Variants in NEBL observed in about 807,000 individuals in gnomAD.
NEBL encodes LIM and SH3 protein 2.
A neutral mutation model predicts 140.2 loss-of-function variants in NEBL; 122 were observed. The observed-to-expected ratio is 0.87, with a 90% CI of 0.75 to 1.01. The LOEUF (loss-of-function observed/expected upper bound fraction) is 1.01, where lower values mean the gene tolerates loss of function less well. Among genes scored for constraint, NEBL ranks in the 50% least tolerant of loss-of-function variants. The pLI, the probability that NEBL is intolerant of heterozygous loss-of-function variation, is 0.00. For missense variants in NEBL, 1,365 were observed against 1,231.3 expected, an observed-to-expected ratio of 1.11 and a Z score of -1.62; for synonymous variants, 436 against 398.9, an observed-to-expected ratio of 1.09 and a Z score of -1.11.
chr10:20,899,389 T>C, upstream of NEBL: 1 of 1,303,570 alleles, frequency 7.7e-7, no homozygotes, highest in Non-Finnish European at 1.0e-6. Context: ...TTCATCAGGC[T>C]TGCAGTGCAG....
At position 21,029,076 on chromosome 10, in the gene NEBL, G is replaced by C. The variant is rs1332386221; in HGVS notation, c.165-8875C>G. On this transcript the variant is annotated intron_variant, in intron 2 of 6. Transcript: ENST00000417816. Reference sequence around the variant, plus strand: ...CAGACTTTCTAGCTGAGGACTGGGGGACTGGTGGAGGAAGCACCTATGTTT... The same window carrying C: ...CAGACTTTCTAGCTGAGGACTGGGGCACTGGTGGAGGAAGCACCTATGTTT... 4.5e-6 allele frequency: 5 copies of C among 1,104,108 alleles called. No homozygotes were observed. The Admixed American group carries it at 8.5e-5, about 19-fold the overall frequency. 68.4% of individuals were successfully genotyped at this position (1,104,108 alleles called of 1,614,324 possible). A position where few individuals can be genotyped will look rare whatever the true frequency, so the allele number is the denominator to read the frequency against.
At chr10:21,270,848 G>A (rs1288119993) in intron 1 of NEBL, among the ~76,000 whole-genome samples, 1 of 152,122 alleles carries the variant, frequency 6.6e-6, no homozygotes, top group African/African-American at 2.4e-5. Flanking sequence ...GTACATTAAA[G>A]AGAACAGAAT....
intron 3 of NEBL, among the ~76,000 whole-genome samples, chr10:21,215,108 C>A (rs1358126053): frequency 6.6e-6 from 1 of 152,142 alleles, no homozygotes; most frequent in Non-Finnish European, 1.5e-5. Context: ...CTAAAATGAA[C>A]TTTTAGTTTC....
chr10:21,088,515 A>T (rs1231602671), intron 2 of NEBL, among the ~76,000 whole-genome samples: 1 of 152,174 alleles, frequency 6.6e-6, no homozygotes, highest in Admixed American at 6.5e-5. Context: ...TCTGCCCAGA[A>T]GTGACACACA....
intron 4 of NEBL, among the ~76,000 whole-genome samples, chr10:20,883,284 C>G (rs1027754689): frequency 6.6e-6 from 1 of 152,188 alleles, no homozygotes; most frequent in African/African-American, 2.4e-5. Flanking sequence ...AGCCATGTTC[C>G]TACCTCCAAT....
intron 1 of NEBL, among the ~76,000 whole-genome samples, chr10:21,287,619 G>A (rs1843075162): frequency 6.6e-6 from 1 of 152,028 alleles, no homozygotes; most frequent in Non-Finnish European, 1.5e-5. Context: ...ATTATAATGG[G>A]AGACCATTGA....
At chr10:21,146,973 A>G (rs1453679970) in intron 2 of NEBL, among the ~76,000 whole-genome samples, 1 of 152,138 alleles carries the variant, frequency 6.6e-6, no homozygotes, top group Non-Finnish European at 1.5e-5. Flanking sequence ...CCACGGGTTC[A>G]CAAGGTCCTC....
chr10:20,788,162 G>A (rs1005771966), intron 26 of NEBL, among the ~76,000 whole-genome samples: 2 of 152,150 alleles, frequency 1.3e-5, no homozygotes, highest in African/African-American at 4.8e-5. Context: ...ATATGCTTGT[G>A]TGTTTCTCTG....
chr10:21,077,524 G>A (rs1323545684), intron 2 of NEBL, among the ~76,000 whole-genome samples: 1 of 151,918 alleles, frequency 6.6e-6, no homozygotes, highest in African/African-American at 2.4e-5. Context: ...GGAGAATGGC[G>A]TGAACCTGGG....
chr10:20,832,403 A>T (rs1018395747), intron 14 of NEBL, among the ~76,000 whole-genome samples: 15 of 152,124 alleles, frequency 9.9e-5, no homozygotes, highest in Non-Finnish European at 1.3e-4. Context: ...ATTCAATCAT[A>T]AGAACAACAA....
chr10:20,887,780 T>C (rs185560838), intron 4 of NEBL, among the ~76,000 whole-genome samples: 9 of 152,314 alleles, frequency 5.9e-5, no homozygotes, highest in Admixed American at 2.0e-4. Context: ...GGATCATATA[T>C]CAAATTAGAG....
At chr10:21,218,234 CA>C (rs1270462934) in intron 3 of NEBL, 2 of 152,300 alleles carry the variant, frequency 1.3e-5, no homozygotes, top group African/African-American at 2.4e-5. Context: ...CGTCACCAGG[CA>C]GGTGGGAAAA....
chr10:21,242,275 A>G (rs1842449970), intron 3 of NEBL, among the ~76,000 whole-genome samples: 1 of 152,326 alleles, frequency 6.6e-6, no homozygotes, highest in East Asian at 1.9e-4. Flanking sequence ...CACACCATGG[A>G]ATACTATGCA....
chr10:21,031,754 G>C (rs1025313978), intron 2 of NEBL, among the ~76,000 whole-genome samples: 11 of 152,108 alleles, frequency 7.2e-5, no homozygotes, highest in Non-Finnish European at 1.5e-4. Context: ...AGTTGTAGAA[G>C]ACCTGAACCC....
intron 2 of NEBL, among the ~76,000 whole-genome samples, chr10:21,134,285 C>T (rs1564522897): frequency 6.6e-6 from 1 of 151,862 alleles, no homozygotes; most frequent in African/African-American, 2.4e-5. Context: ...GAAAATAAGA[C>T]TACAGTTGAA....
intron 3 of NEBL, among the ~76,000 whole-genome samples, chr10:21,202,176 TAATGTCTAGATTAAATGTGA>T (rs1396580083): frequency 6.6e-6 from 1 of 152,198 alleles, no homozygotes; most frequent in Non-Finnish European, 1.5e-5. Flanking sequence ...GGGGTTTTTT[TAATGTCTAGATTAAATGTGA>T]ATAGATGTGA....
At chr10:21,116,286 T>C (rs981954718) in intron 2 of NEBL, among the ~76,000 whole-genome samples, 6 of 152,152 alleles carry the variant, frequency 3.9e-5, no homozygotes, top group Non-Finnish European at 7.4e-5. Flanking sequence ...AACCAATTCA[T>C]TTCCTGGTGA....
At chr10:20,857,234 A>C (rs1843166379) in intron 9 of NEBL, among the ~76,000 whole-genome samples, 1 of 152,242 alleles carries the variant, frequency 6.6e-6, no homozygotes. Flanking sequence ...CAAAATAATA[A>C]ACATACATTT....
intron 2 of NEBL, among the ~76,000 whole-genome samples, chr10:21,077,979 G>T (rs1836181706): frequency 6.6e-6 from 1 of 152,194 alleles, no homozygotes; most frequent in Admixed American, 6.5e-5. Flanking sequence ...CTGCAGAGCT[G>T]GCTGTCACAG....
Sources: gnomAD v4.1 joint callset for allele counts (sites outside exome capture counted in the v4.1 genomes callset) on GRCh38, gnomAD v4.1.1 for gene constraint, MANE v1.5 for transcripts, NCBI Gene and HGNC (gene_info 2026-07-23, HGNC 2026-07-21) for gene names.